The following KATNAL1 variants were observed in gnomAD, a reference collection of about 807,000 sequenced individuals.
KATNAL1 encodes katanin p60 ATPase-containing subunit A-like 1.
Under a neutral mutation model 55.2 loss-of-function variants are expected in KATNAL1, and 32 were observed. The ratio of observed to expected loss-of-function variants is 0.58; its 90% CI spans 0.44 to 0.78. The LOEUF is 0.78. KATNAL1 is among the 30% of genes least tolerant of loss of function. The pLI, the probability that KATNAL1 is intolerant of heterozygous loss-of-function variation, is 0.00. For missense variants in KATNAL1, 466 were observed against 600.9 expected (o/e 0.78, Z 2.35); for synonymous variants, 193 against 193.6 (o/e 1.00, Z 0.02).
In KATNAL1 at chr13:30,272,996, G is replaced by C. The variant is rs1019835066; in HGVS notation, c.323+7067C>G. Among the ~76,000 whole-genome samples the C allele has an allele frequency of 5.1e-4, 77 of 152,054 alleles. 1 individual carries two copies. Among genetic ancestry groups the C allele is most frequent in the African/African-American group, 1.8e-3 (76 of 41,404 alleles). On this transcript the variant is annotated intron_variant, in intron 3 of 10. Transcript: ENST00000380615. ...TTACATACCCCTGCCTCCCTACTGT[G>C]ACTCTGAGCCAGCTGCCCATGCACT... is the stretch of plus-strand genomic sequence containing the variant.
intron 2 of KATNAL1, among the ~76,000 whole-genome samples, chr13:30,280,458 C>A (rs1044337518): frequency 1.3e-5 from 2 of 152,040 alleles, no homozygotes; most frequent in Non-Finnish European, 2.9e-5. Flanking sequence ...TCTTTCATAA[C>A]GGAATTCCAT....
At chr13:30,224,876 C>T (rs528672003) in intron 9 of KATNAL1, among the ~76,000 whole-genome samples, 3 of 152,268 alleles carry the variant, frequency 2.0e-5, no homozygotes, top group African/African-American at 7.2e-5. Flanking sequence ...GCTGGAATTT[C>T]ATTTCCCAGA....
intron 3 of KATNAL1, among the ~76,000 whole-genome samples, chr13:30,264,652 G>A (rs1377824726): frequency 7.2e-6 from 1 of 138,286 alleles, no homozygotes; most frequent in Non-Finnish European, 1.6e-5. Context: ...TCAGAGAAAC[G>A]CAAATCAAAA....
At chr13:30,294,751 G>A (rs910252380) in intron 1 of KATNAL1, among the ~76,000 whole-genome samples, 2 of 152,172 alleles carry the variant, frequency 1.3e-5, no homozygotes, top group Non-Finnish European at 2.9e-5. Context: ...GAATGCCTGG[G>A]TTCAAAGCCT....
chr13:30,222,564 T>C (rs1566089432), intron 9 of KATNAL1, among the ~76,000 whole-genome samples: 1 of 152,202 alleles, frequency 6.6e-6, no homozygotes, highest in Non-Finnish European at 1.5e-5. Flanking sequence ...AGCTCTCACA[T>C]GGCTGGCACG....
At chr13:30,249,248 CT>C (rs1400761543) in intron 4 of KATNAL1, among the ~76,000 whole-genome samples, 1 of 151,754 alleles carries the variant, frequency 6.6e-6, no homozygotes, top group Non-Finnish European at 1.5e-5. Context: ...AAAAAAAAGA[CT>C]GACAACATCA....
At chr13:30,230,019 T>C (rs1351963499) in intron 8 of KATNAL1, among the ~76,000 whole-genome samples, 2 of 151,428 alleles carry the variant, frequency 1.3e-5, no homozygotes, top group Admixed American at 1.3e-4. Context: ...TGGATTCTCA[T>C]ATCTGCTTCT....
intron 6 of KATNAL1, among the ~76,000 whole-genome samples, chr13:30,237,106 T>A (rs909508856): frequency 2.6e-5 from 4 of 152,206 alleles, no homozygotes; most frequent in Admixed American, 2.6e-4. Context: ...CCACATGGCC[T>A]CCATTAAATA....
intron 8 of KATNAL1, among the ~76,000 whole-genome samples, chr13:30,230,111 A>G (rs184702828): frequency 2.6e-5 from 4 of 152,192 alleles, no homozygotes; most frequent in African/African-American, 7.2e-5. Flanking sequence ...AGTGAAAAAG[A>G]AAAGGCAAAC....
chr13:30,269,414 C>T (rs868650023), intron 3 of KATNAL1, among the ~76,000 whole-genome samples: 11 of 152,334 alleles, frequency 7.2e-5, no homozygotes, highest in Middle Eastern at 3.4e-3. Flanking sequence ...AGTGCAGTGG[C>T]GTGATCTCGG....
At chr13:30,270,236 C>T (rs1448893874) in intron 3 of KATNAL1, among the ~76,000 whole-genome samples, 3 of 137,688 alleles carry the variant, frequency 2.2e-5, no homozygotes, top group African/African-American at 7.6e-5. Flanking sequence ...GCCGCCCCGT[C>T]CGGGAGGGAG....
intron 9 of KATNAL1, among the ~76,000 whole-genome samples, chr13:30,219,368 T>C (rs1332265705): frequency 5.3e-5 from 8 of 152,184 alleles, no homozygotes; most frequent in Non-Finnish European, 1.5e-5. Context: ...CTTTTCTCTA[T>C]GAAAATTCAG....
chr13:30,229,286 C>T (rs1875839719), intron 8 of KATNAL1, among the ~76,000 whole-genome samples: 1 of 151,910 alleles, frequency 6.6e-6, no homozygotes, highest in African/African-American at 2.4e-5. Context: ...GGTGCCTCTC[C>T]TGTGTTTTCC....
intron 4 of KATNAL1, among the ~76,000 whole-genome samples, chr13:30,248,215 C>G (rs1265897292): frequency 6.6e-6 from 1 of 152,118 alleles, no homozygotes; most frequent in Non-Finnish European, 1.5e-5. Flanking sequence ...TTCCTATGAC[C>G]TAAGACTCAT....
chr13:30,269,366 A>T (rs367845655), intron 3 of KATNAL1, among the ~76,000 whole-genome samples: 1 of 152,200 alleles, frequency 6.6e-6, no homozygotes, highest in Non-Finnish European at 1.5e-5. Flanking sequence ...TTGCAGACGG[A>T]GTCTGGTTCA....
intron 3 of KATNAL1, among the ~76,000 whole-genome samples, chr13:30,263,120 A>C (rs1879446241): frequency 1.3e-5 from 2 of 152,294 alleles, no homozygotes; most frequent in Middle Eastern, 3.4e-3. Context: ...GACAAAAACC[A>C]CATGATTATC....
At chr13:30,236,816 C>T (rs1876736013) in intron 6 of KATNAL1, among the ~76,000 whole-genome samples, 1 of 152,158 alleles carries the variant, frequency 6.6e-6, no homozygotes, top group African/African-American at 2.4e-5. Context: ...TCCAGCCACA[C>T]TGAACTACAC....
intron 3 of KATNAL1, among the ~76,000 whole-genome samples, chr13:30,277,979 T>C: frequency 1.9e-5 from 1 of 53,984 alleles, no homozygotes; most frequent in Non-Finnish European, 3.2e-5. Context: ...CGAGACTCCG[T>C]CTCAAAAAAA....
chr13:30,275,780 C>CAA (rs976713270), intron 3 of KATNAL1, among the ~76,000 whole-genome samples: 26 of 151,030 alleles, frequency 1.7e-4, no homozygotes, highest in African/African-American at 6.1e-4. Flanking sequence ...ATAAATATTT[C>CAA]AAAAAATATA....
Sources: gnomAD v4.1 joint callset for allele counts (sites outside exome capture counted in the v4.1 genomes callset) on GRCh38, gnomAD v4.1.1 for gene constraint, MANE v1.5 for transcripts, NCBI Gene and HGNC (gene_info 2026-07-23, HGNC 2026-07-21) for gene names.